DYSF: variants seen among roughly 807,000 people sequenced by gnomAD.
DYSF encodes the protein dysferlin, also known as dystrophy-associated fer-1-like 1.
In DYSF, 212 loss-of-function variants were observed where a neutral mutation model predicts 274.9. That is an observed-to-expected ratio of 0.77 (90% CI 0.69 to 0.86). The LOEUF (loss-of-function observed/expected upper bound fraction) is 0.86, where lower values mean the gene tolerates loss of function less well. Ranked by LOEUF, DYSF falls within the 40% of genes least tolerant of loss-of-function variation. The pLI is 0.00. For missense variants in DYSF, 2,666 were observed against 2,783.2 expected, an observed-to-expected ratio of 0.96 and a Z score of 0.95; for synonymous variants, 1,091 against 1,078.7, an observed-to-expected ratio of 1.01 and a Z score of -0.22.
intron 21 of DYSF, 26 bp downstream of exon 21, chr2:71,553,957 C>T (rs2091151326): frequency 6.2e-7 from 1 of 1,614,100 alleles, no homozygotes; most frequent in Admixed American, 1.7e-5. Context: ...CCCAAAGCTG[C>T]ACATGCCTAT....
At chr2:71,592,140 G>T (rs977181054) in intron 32 of DYSF, among the ~76,000 whole-genome samples, 1 of 152,128 alleles carries the variant, frequency 6.6e-6, no homozygotes, top group Non-Finnish European at 1.5e-5. Context: ...GTGAGAGGGG[G>T]ATGGCCAGGG....
At chr2:71,600,619 G>A in intron 33 of DYSF, 83 bp from the exon 34 acceptor site, 1 of 1,596,380 alleles carries the variant, frequency 6.3e-7, no homozygotes. Flanking sequence ...AGTTCAGAAG[G>A]CACATGTAGA....
chr2:71,558,725 G>A (rs2091507028), intron 22 of DYSF, among the ~76,000 whole-genome samples: 1 of 152,182 alleles, frequency 6.6e-6, no homozygotes, highest in African/African-American at 2.4e-5. Flanking sequence ...GGTTGGAAGA[G>A]TGGCTGGGCC....
chr2:71,581,615 T>G (rs965730437), intron 30 of DYSF, among the ~76,000 whole-genome samples: 4 of 152,158 alleles, frequency 2.6e-5, no homozygotes, highest in African/African-American at 9.7e-5. Context: ...TGCTTTGAGC[T>G]CTGATGGGGT....
At chr2:71,564,280 T>C in intron 24 of DYSF, 67 bp downstream of exon 24, 3 of 1,598,294 alleles carry the variant, frequency 1.9e-6, no homozygotes, top group Non-Finnish European at 2.6e-6. Context: ...TCCCATCTCT[T>C]CTGTTTCCCC....
intron 41 of DYSF, among the ~76,000 whole-genome samples, chr2:71,622,271 A>G (rs904245093): frequency 2.6e-5 from 4 of 151,926 alleles, no homozygotes; most frequent in African/African-American, 9.7e-5. Flanking sequence ...AACTATCGCT[A>G]GAATATAGGA....
At chr2:71,462,968 C>A (rs552064999), upstream of DYSF, among the ~76,000 whole-genome samples, 57 of 152,358 alleles carry the variant, frequency 3.7e-4, no homozygotes, top group African/African-American at 1.4e-3. Context: ...GGGCTGAGGA[C>A]TCCACCTGGA....
chr2:71,674,097 C>T (rs2095177064), intron 51 of DYSF, 100 bp from the exon 52 acceptor site: 1 of 1,030,428 alleles, frequency 9.7e-7, no homozygotes, highest in Non-Finnish European at 1.5e-6. Context: ...GGACATCCTA[C>T]TCCTCTGCCT....
At chr2:71,653,843 A>T (rs887736208) in intron 42 of DYSF, among the ~76,000 whole-genome samples, 10 of 149,968 alleles carry the variant, frequency 6.7e-5, no homozygotes, top group Non-Finnish European at 1.5e-4. Context: ...ATAATAATAA[A>T]AAAAATTTCT....
chr2:71,635,766 GAAAGAAA>G (rs1450090526), intron 41 of DYSF, among the ~76,000 whole-genome samples: 3 of 120,410 alleles, frequency 2.5e-5, no homozygotes, highest in African/African-American at 6.3e-5. Context: ...AAAAAAAAAA[GAAAGAAA>G]AAAGAAAAAG....
chr2:71,659,597 A>G (rs1290513204), intron 44 of DYSF, among the ~76,000 whole-genome samples: 2 of 152,214 alleles, frequency 1.3e-5, no homozygotes, highest in African/African-American at 2.4e-5. Flanking sequence ...GACTATTGAC[A>G]CTGATTTTAA....
intron 16 of DYSF, among the ~76,000 whole-genome samples, chr2:71,537,218 GTTTTGTTTTTTTTTTTTT>G (rs902334884): frequency 6.3e-5 from 3 of 47,704 alleles, no homozygotes; most frequent in African/African-American, 1.9e-4. Flanking sequence ...TTACTTTCTA[GTTTTGTTTTTTTTTTTTT>G]TTTTTTTTTT....
At chr2:71,669,885 A>C in intron 51 of DYSF, 139 bp downstream of exon 51, 4 of 1,129,844 alleles carry the variant, frequency 3.5e-6, no homozygotes, top group Non-Finnish European at 5.2e-6. Flanking sequence ...TGCCATCTCC[A>C]CATGGCCACC....
At chr2:71,507,342 A>G (rs2085589481) in intron 4 of DYSF, among the ~76,000 whole-genome samples, 1 of 152,200 alleles carries the variant, frequency 6.6e-6, no homozygotes, top group African/African-American at 2.4e-5. Flanking sequence ...TCCTCAGCTC[A>G]ATGGGGTCCA....
chr2:71,618,465 T>G (rs1308444181), intron 40 of DYSF, among the ~76,000 whole-genome samples: 12 of 137,950 alleles, frequency 8.7e-5, no homozygotes. Flanking sequence ...GTTGTGTGTG[T>G]GTGGTAGAGG....
At chr2:71,665,788 G>A (rs2094990502) in intron 47 of DYSF, among the ~76,000 whole-genome samples, 1 of 152,180 alleles carries the variant, frequency 6.6e-6, no homozygotes, top group African/African-American at 2.4e-5. Flanking sequence ...CCCAAGGCAG[G>A]CAGGCCTTGT....
intron 7 of DYSF, among the ~76,000 whole-genome samples, chr2:71,515,393 G>A (rs539414391): frequency 3.3e-5 from 5 of 152,322 alleles, no homozygotes; most frequent in Admixed American, 2.6e-4. Flanking sequence ...GGTAGCCGAC[G>A]AGGGGCAGCC....
At chr2:71,514,041 C>T in intron 7 of DYSF, 120 bp downstream of exon 7, 1 of 1,180,052 alleles carries the variant, frequency 8.5e-7, no homozygotes, top group Non-Finnish European at 1.2e-6. Flanking sequence ...CAGGGCCCTC[C>T]TGTGGGGGAA....
chr2:71,484,164 T>G (rs2083179013), intron 3 of DYSF, among the ~76,000 whole-genome samples: 1 of 146,248 alleles, frequency 6.8e-6, no homozygotes, highest in African/African-American at 2.5e-5. Context: ...GCGATTCTCC[T>G]GCCTCAGCCT....
Sources: allele counts gnomAD v4.1 joint callset (sites outside exome capture counted in the v4.1 genomes callset), GRCh38; gene constraint gnomAD v4.1.1; transcripts MANE v1.5; gene names NCBI Gene and HGNC (gene_info 2026-07-23, HGNC 2026-07-21).